Variants in HERC1 observed in about 807,000 individuals in gnomAD.
HERC1 encodes HECT and RLD domain containing E3 ubiquitin protein ligase family member 1.
In HERC1, 160 loss-of-function variants were observed where a neutral mutation model predicts 554.3. That is an observed-to-expected ratio of 0.29 (90% CI 0.25 to 0.33). HERC1 has a LOEUF of 0.33. Ranked by LOEUF, HERC1 falls within the 10% of genes least tolerant of loss-of-function variation. The pLI is 1.00. For missense variants in HERC1, 4,919 were observed against 5,918.5 expected (o/e 0.83, Z 5.54); for synonymous variants, 2,175 against 2,131.7 (o/e 1.02, Z -0.56).
At chr15:63,735,055 T>A (rs1277272460) in intron 12 of HERC1, among the ~76,000 whole-genome samples, 1 of 152,198 alleles carries the variant, frequency 6.6e-6, no homozygotes, top group Admixed American at 6.5e-5. Flanking sequence ...TAGCTAATCA[T>A]CACCTAACAA....
intron 2 of HERC1, among the ~76,000 whole-genome samples, chr15:63,768,155 G>A (rs946513300): frequency 1.3e-4 from 20 of 152,094 alleles, no homozygotes; most frequent in Admixed American, 3.9e-4. Context: ...GATTCTATTC[G>A]ACTGTTTCTC....
chr15:63,774,249 T>G lies in HERC1; in HGVS notation c.930+445A>C, dbSNP rs374266047. Among the ~76,000 whole-genome samples the G allele has an allele frequency of 5.3e-5, 8 of 152,334 alleles. 1 individual carries two copies. The highest frequency in any genetic ancestry group is 1.9e-4 in the African/African-American group (8 of 41,578). Reference sequence around the variant, plus strand: ...CTGACTCCTCTACTAGGCTGTTAGCTCCATGGGGGTGGAAACTGTATCCTC... The same window carrying G: ...CTGACTCCTCTACTAGGCTGTTAGCGCCATGGGGGTGGAAACTGTATCCTC... On this transcript the variant is annotated intron_variant, in intron 2 of 77. Transcript: ENST00000443617.
intron 51 of HERC1, among the ~76,000 whole-genome samples, chr15:63,652,928 G>C (rs550916330): frequency 6.6e-6 from 1 of 152,262 alleles, no homozygotes; most frequent in East Asian, 1.9e-4. Context: ...GGGATTACAG[G>C]CATAAGCCAC....
rs919605464 is a variant in HERC1, at chr15:63,677,516, C to G, written c.7070+329G>C. On this transcript the variant is annotated intron_variant, in intron 37 of 77. Coordinates refer to ENST00000443617, the MANE Select transcript of HERC1 (RefSeq NM_003922.4). The surrounding 1 kb of genome is among the most constrained non-coding windows in gnomAD (Gnocchi z 4.4). ...GGCTTTTTACTATGCCAGTGTGTAA[C>G]AGAAATGATCAAAATGCAAAAAGCC... Among the ~76,000 whole-genome samples, 37 of 152,082 alleles carry G rather than the reference C, an allele frequency of 2.4e-4. 1 individual carries two copies. The highest frequency in any genetic ancestry group is 1.3e-4 in the Admixed American group (2 of 15,272).
intron 1 of HERC1, among the ~76,000 whole-genome samples, chr15:63,815,912 C>G (rs1266545662): frequency 4.6e-5 from 7 of 152,056 alleles, no homozygotes; most frequent in Non-Finnish European, 8.8e-5. Context: ...AAGTGCCTAG[C>G]AAAAGGGGGG....
At chr15:63,646,361 T>C (rs1405622821) in intron 55 of HERC1, among the ~76,000 whole-genome samples, 1 of 152,200 alleles carries the variant, frequency 6.6e-6, no homozygotes, top group African/African-American at 2.4e-5. Context: ...TACTCTTTCA[T>C]GGCTTATTTA....
At chr15:63,653,198 T>C (rs371867701) in intron 51 of HERC1, among the ~76,000 whole-genome samples, 5 of 152,126 alleles carry the variant, frequency 3.3e-5, no homozygotes, top group African/African-American at 7.2e-5. Context: ...CCCAGCACTG[T>C]GGGAGGCCAA....
Position 63,727,542 on chromosome 15 carries a change from G to C in HERC1, c.3346+105C>G, listed in dbSNP as rs559732633. The C allele has an allele frequency of 4.6e-5, 31 of 680,630 alleles. No individual in the cohort carries two copies. In the East Asian group the frequency reaches 8.7e-4, roughly 19 times the overall value. The allele number at this position is 680,630 out of a possible 1,614,324, so 42.2% of individuals were successfully genotyped here. ...AAGATTTCAGTGATGAAATTCCTTT[G>C]ATAGCCTTAGGATAGATAGACTCCA... On this transcript the variant is annotated intron_variant, in intron 17 of 77. Coordinates refer to ENST00000443617, the MANE Select transcript of HERC1 (RefSeq NM_003922.4). The surrounding 1 kb of genome is among the most constrained non-coding windows in gnomAD (Gnocchi z 4.3).
At chr15:63,628,950 ATTCTT>A in intron 69 of HERC1, 135 bp from the exon 70 acceptor site, 2 of 765,546 alleles carry the variant, frequency 2.6e-6, no homozygotes, top group Non-Finnish European at 4.0e-6. Context: ...AATAAAACAC[ATTCTT>A]TTTTTTTTTT....
intron 1 of HERC1, among the ~76,000 whole-genome samples, chr15:63,823,117 A>AC (rs1328792997): frequency 2.0e-5 from 3 of 152,052 alleles, no homozygotes; most frequent in Non-Finnish European, 4.4e-5. Context: ...TAAGCCTAGT[A>AC]CCCATTAGTT....
rs767065075 is a variant in HERC1, at chr15:63,689,647, A to T, written c.5990T>A (p.Ile1997Asn). The T allele has an allele frequency of 6.3e-7, 1 of 1,590,504 alleles. No homozygotes were observed. The highest frequency in any genetic ancestry group is 1.1e-5 in the South Asian group (1 of 87,226). The change falls in exon 33 of 78, where the codon ATT becomes AAT. Residue 1997 changes from isoleucine (I) to asparagine (N), a missense_variant. Around this residue, in one of 11 missense-constraint regions of HERC1, gnomAD observed 1,121 missense variants for 1,244.0 expected, o/e 0.90. Transcript: ENST00000443617. ...CTGAATAGCATGTTTGGCCTGAGCA[A>T]TGGGTGTCTCCCACATACAATCAGA... ...LLSDCMWETP[I>N]AQAKHAIQIK...
Position 63,686,437 on chromosome 15 carries a change from C to A in HERC1, c.6147G>T (p.Gln2049His). The A allele has an allele frequency of 6.2e-7, 1 of 1,613,890 alleles. No homozygotes were observed. Among genetic ancestry groups the A allele is most frequent in the South Asian group, 1.1e-5 (1 of 91,070 alleles). Residue 2049 changes from glutamine (Q) to histidine (H), a missense_variant, in exon 34 of 78, where the codon CAG becomes CAT. By Grantham distance (24) the Gln-to-His change is conservative. Coordinates refer to ENST00000443617, the MANE Select transcript of HERC1 (RefSeq NM_003922.4). ...TCCCTCCACTGCCGTGAGTTAAAAT[C>A]TGTCCATTCTCCACTAGGCAACACT... ...KAQCCLVENG[Q>H]ILTHGSGGKG...
Position 63,612,239 on chromosome 15 carries a change from T to C in HERC1, c.14400+12A>G, listed in dbSNP as rs560176021. 5.0e-6 allele frequency: 8 copies of C among 1,585,420 alleles called. No homozygotes were observed. The highest frequency in any genetic ancestry group is 2.3e-5 in the East Asian group (1 of 44,338). ...GCAGACATTACAAAGGAAAAAAGAATAGCTTACTTACCCTATCAACCTTCA... is the reference window on the plus strand; with the variant it reads ...GCAGACATTACAAAGGAAAAAAGAACAGCTTACTTACCCTATCAACCTTCA... On this transcript the variant is annotated intron_variant, in intron 77 of 77. Coordinates refer to ENST00000443617, the MANE Select transcript of HERC1 (RefSeq NM_003922.4). The surrounding 1 kb of genome is among the most constrained non-coding windows in gnomAD (Gnocchi z 5.0).
At chr15:63,765,325 C>A (rs1327206322) in intron 2 of HERC1, among the ~76,000 whole-genome samples, 1 of 152,012 alleles carries the variant, frequency 6.6e-6, no homozygotes, top group East Asian at 1.9e-4. Context: ...GAAAAAGGCA[C>A]AGATCTGTGT....
In HERC1 at chr15:63,624,635, G is replaced by T. The variant is rs181391581; in HGVS notation, c.13276-308C>A. 5.0e-4 allele frequency among the ~76,000 whole-genome samples: 76 copies of T among 152,330 alleles called. 1 individual carries two copies. Among genetic ancestry groups the T allele is most frequent in the African/African-American group, 1.7e-3 (69 of 41,566 alleles). On this transcript the variant is annotated intron_variant, in intron 71 of 77. Transcript: ENST00000443617. ...ACCTGAGTCCAAGGAGGTTGAGGCT[G>T]CAGTGAGCTGAGATAATGCTACTGC...
chr15:63,630,499 A>C lies in HERC1; in HGVS notation c.12933T>G (p.Asp4311Glu). 1 of 1,613,968 alleles carries C rather than the reference A, an allele frequency of 6.2e-7. No individual in the cohort carries two copies. The highest frequency in any genetic ancestry group is 1.1e-5 in the South Asian group (1 of 91,072). ...EHTLALASNG[D>E]VYAWGSNSEG... is the part of the protein sequence containing the mutation. The stretch of plus-strand genomic sequence containing the variant: ...CTGAATTGCTCCCCCAGGCATACAC[A>C]TCTCCATTTGATGCCAAAGCAAGTG... Residue 4311 changes from aspartate to glutamate, a missense_variant, in exon 69 of 78, where the codon GAT becomes GAG. Transcript: ENST00000443617.
chr15:63,627,033 G>A (rs914351616), intron 70 of HERC1, among the ~76,000 whole-genome samples: 1 of 152,172 alleles, frequency 6.6e-6, no homozygotes, highest in East Asian at 1.9e-4. Context: ...CCCAGAGCTT[G>A]AACCTTTACC....
At position 63,733,077 on chromosome 15, in the gene HERC1, A is replaced by G; in HGVS notation, c.2715T>C (p.Tyr905=). ...DHTHVASLLG[Y]SSPSDAADLS... ...GGTCAGCAGCATCAGAGGGTGAACT[A>G]TAGCCAAGTAGGGAGGCTACGTGGG... Residue 905 remains tyrosine (Y), a synonymous_variant, in exon 14 of 78, where the codon TAT becomes TAC. Transcript: ENST00000443617. 2 of 1,613,992 alleles carry G rather than the reference A, an allele frequency of 1.2e-6. No homozygotes were observed. The highest frequency in any genetic ancestry group is 3.3e-4 in the Middle Eastern group (2 of 6,062).
chr15:63,624,406 C>G (rs949248941), intron 71 of HERC1, 79 bp from the exon 72 acceptor site: 2 of 1,370,390 alleles, frequency 1.5e-6, no homozygotes, highest in African/African-American at 1.5e-5. Flanking sequence ...ATAGAACATA[C>G]ATTATTTTGG....
Sources: gnomAD v4.1 joint callset for allele counts (sites outside exome capture counted in the v4.1 genomes callset) on GRCh38, gnomAD v4.1.1 for gene constraint, gnomAD v4.1.1 regional missense constraint, Gnocchi (gnomAD v3.1) non-coding constraint, MANE v1.5 for transcripts, NCBI Gene and HGNC (gene_info 2026-07-23, HGNC 2026-07-21) for gene names.